Variants in ATP4B observed in about 807,000 individuals in gnomAD.
The protein encoded by ATP4B is ATPase H+/K+ transporting subunit beta.
Under a neutral mutation model 35.3 loss-of-function variants are expected in ATP4B, and 27 were observed. The ratio of observed to expected loss-of-function variants is 0.76; its 90% CI spans 0.56 to 1.05. The LOEUF (loss-of-function observed/expected upper bound fraction) is 1.05. ATP4B is among the 50% of genes least tolerant of loss of function. ATP4B has a pLI of 0.00. For missense variants in ATP4B, 375 were observed against 384.8 expected (o/e 0.97, Z 0.21); for synonymous variants, 162 against 156.0 (o/e 1.04, Z -0.29).
chr13:113,651,093 G>A (rs1050323726), intron 5 of ATP4B, among the ~76,000 whole-genome samples: 1 of 151,680 alleles, frequency 6.6e-6, no homozygotes, highest in Non-Finnish European at 1.5e-5. Flanking sequence ...AGGTTCCCTC[G>A]GACACCCTAG....
rs777893984 is a variant in ATP4B, at chr13:113,649,474, A to G, written c.776T>C (p.Val259Ala). ...KLLNIPRNAE[V>A]AIVCKVMAEH... ...CGCCATGACCTTGCACACGATGGCG[A>G]CCTCAGCGTTCCTGGGGATGTTGAG... The change falls in exon 7 of 7, where the codon GTC (valine) becomes GCC (alanine). Residue 259 changes from valine to alanine, a missense_variant. Coordinates refer to ENST00000335288, the MANE Select transcript of ATP4B (RefSeq NM_000705.4). The surrounding 1 kb of genome is among the most constrained non-coding windows in gnomAD (Gnocchi z 4.7). 1.9e-5 allele frequency: 29 copies of G among 1,559,494 alleles called. No homozygotes were observed. In the South Asian group the frequency reaches 3.4e-4, roughly 18 times the overall value.
chr13:113,653,437 G>A lies in ATP4B; in HGVS notation c.242-3C>T, dbSNP rs749487200. On this transcript the variant is annotated splice_region_variant and splice_polypyrimidine_tract_variant and intron_variant, in intron 2 of 6. Coordinates refer to ENST00000335288, the MANE Select transcript of ATP4B (RefSeq NM_000705.4). Reference sequence around the variant, plus strand: ...AACATCCGGCCTTAAGGTTACCCCTGGAGAGAGAGACCTTTGTGCTTAGCG... The same window carrying A: ...AACATCCGGCCTTAAGGTTACCCCTAGAGAGAGAGACCTTTGTGCTTAGCG... 6.2e-7 allele frequency: 1 copy of A among 1,612,000 alleles called. No individual in the cohort carries two copies.
rs1566688652 is a variant in ATP4B at position 113,653,241 on chromosome 13, C to CGCTTCACACCTCACCCACCCGCT, written c.355+79_355+80insAGCGGGTGGGTGAGGTGTGAAGC. ...GCTGCTTCACACCTCACCCACCCGCCGCTTCACACCTCACCCACCCGCCGC... is the reference window on the plus strand; with the variant it reads ...GCTGCTTCACACCTCACCCACCCGCCGCTTCACACCTCACCCACCCGCTGCTTCACACCTCACCCACCCGCCGC... On this transcript the variant is annotated intron_variant, in intron 3 of 6. Transcript: ENST00000335288. 7.4e-6 allele frequency: 10 copies of CGCTTCACACCTCACCCACCCGCT among 1,349,946 alleles called. No individual in the cohort carries two copies. In the African/African-American group the frequency reaches 1.4e-4, roughly 19 times the overall value. 83.6% of individuals were successfully genotyped at this position (1,349,946 alleles called of 1,614,324 possible). A position where few individuals can be genotyped will look rare whatever the true frequency, so the allele number is the denominator to read the frequency against.
At chr13:113,653,908 G>A (rs1383810910) in intron 2 of ATP4B, among the ~76,000 whole-genome samples, 5 of 152,220 alleles carry the variant, frequency 3.3e-5, no homozygotes, top group African/African-American at 7.2e-5. Context: ...GATGTGAACC[G>A]TCAAATGTGC....
chr13:113,651,763 C>T (rs747810806), intron 4 of ATP4B, 36 bp from the exon 5 acceptor site: 6 of 1,607,436 alleles, frequency 3.7e-6, no homozygotes, highest in African/African-American at 1.3e-5. Flanking sequence ...CCGCTCCCCA[C>T]CCCCACCGCC....
rs1297794352 is a variant in ATP4B, at chr13:113,651,821, C to T, written c.556-94G>A. Reference sequence around the variant, plus strand: ...CCATGGAGCTGAGATCTGGCCGGCCCCAGCCTGGGCTTTCTGACCAGGACT... The same window carrying T: ...CCATGGAGCTGAGATCTGGCCGGCCTCAGCCTGGGCTTTCTGACCAGGACT... On this transcript the variant is annotated intron_variant, in intron 4 of 6. Coordinates refer to ENST00000335288, the MANE Select transcript of ATP4B (RefSeq NM_000705.4). The T allele has an allele frequency of 2.8e-6, 4 of 1,452,432 alleles. 1 individual carries two copies. In the South Asian group the frequency reaches 5.3e-5, roughly 19 times the overall value. The allele number at this position is 1,452,432 out of a possible 1,614,324, so 90.0% of individuals were successfully genotyped here.
At chr13:113,651,977 G>A (rs1019050351) in intron 4 of ATP4B, among the ~76,000 whole-genome samples, 11 of 152,114 alleles carry the variant, frequency 7.2e-5, no homozygotes, top group African/African-American at 2.4e-4. Flanking sequence ...GGCTTCAGGA[G>A]GCGGCTGGCA....
chr13:113,650,503 T>G lies in ATP4B; in HGVS notation c.617A>C (p.Gln206Pro). The change falls in exon 6 of 7, where the codon CAG becomes CCG. Residue 206 changes from glutamine (Q) to proline (P), a missense_variant. Coordinates refer to ENST00000335288, the MANE Select transcript of ATP4B (RefSeq NM_000705.4). The surrounding 1 kb of genome is among the most constrained non-coding windows in gnomAD (Gnocchi z 5.0). ...CAGCGGCTGGCCGAGCTCGCGGGGCTGGTCCTGGGGAGGAGAGGCCACTGC... is the reference window on the plus strand; with the variant it reads ...CAGCGGCTGGCCGAGCTCGCGGGGCGGGTCCTGGGGAGGAGAGGCCACTGC... The part of the protein sequence containing the change: ...APRVDCAFLD[Q>P]PRELGQPLQV... The G allele has an allele frequency of 6.2e-7, 1 of 1,611,802 alleles. No individual in the cohort carries two copies. Among genetic ancestry groups the G allele is most frequent in the Non-Finnish European group, 8.5e-7 (1 of 1,178,762 alleles).
intron 1 of ATP4B, among the ~76,000 whole-genome samples, chr13:113,656,291 G>C (rs1444315473): frequency 6.6e-6 from 1 of 152,200 alleles, no homozygotes; most frequent in Non-Finnish European, 1.5e-5. Flanking sequence ...CGTGACGGCA[G>C]GGGTCTCTGT....
intron 1 of ATP4B, among the ~76,000 whole-genome samples, chr13:113,656,209 C>T (rs1326842153): frequency 2.0e-5 from 3 of 152,162 alleles, no homozygotes; most frequent in Non-Finnish European, 4.4e-5. Context: ...CAGGTCCTGC[C>T]TCAGTGTCCC....
Position 113,652,999 on chromosome 13 carries a change from G to A in ATP4B, c.429C>T (p.Arg143=), listed in dbSNP as rs143623545. The A allele has an allele frequency of 1.2e-4, 190 of 1,614,116 alleles. No individual in the cohort carries two copies. The East Asian group carries it at 2.0e-3, about 17-fold the overall frequency. ...SEQYFFQESF[R]APNHTKFSCK... ...AGGAGAACTTGGTGTGGTTGGGAGCGCGGAAACTCTCCTGGAAGAAGTACT... is the reference window on the plus strand; with the variant it reads ...AGGAGAACTTGGTGTGGTTGGGAGCACGGAAACTCTCCTGGAAGAAGTACT... Residue 143 remains arginine, a synonymous_variant, in exon 4 of 7, where the codon CGC becomes CGT. Transcript: ENST00000335288.
chr13:113,651,312 T>C (rs576347390), intron 5 of ATP4B, among the ~76,000 whole-genome samples: 1 of 152,352 alleles, frequency 6.6e-6, no homozygotes, highest in East Asian at 1.9e-4. Flanking sequence ...GTTAAACAAC[T>C]GTAGCTGCTG....
In ATP4B at chr13:113,658,025, G is replaced by A. The variant is rs370577482; in HGVS notation, c.112+8C>T. 439 of 1,591,174 alleles carry A rather than the reference G, an allele frequency of 2.8e-4. 2 individuals carry two copies. Among genetic ancestry groups the A allele is most frequent in the Non-Finnish European group, 2.7e-4 (314 of 1,171,024 alleles). On this transcript the variant is annotated splice_region_variant and intron_variant, in intron 1 of 6. Coordinates refer to ENST00000335288, the MANE Select transcript of ATP4B (RefSeq NM_000705.4). The stretch of plus-strand genomic sequence containing the variant: ...CATGCACCCAGCCGGCCCGCCCCCC[G>A]CACGTACCCCACCGGGACAGGGTGC...
chr13:113,649,624 T>G lies in ATP4B; in HGVS notation c.715-89A>C. The stretch of plus-strand genomic sequence containing the variant: ...AAGCAAGGAAGTGTCAACAGTCAGG[T>G]TGGTGCAGAGAAGCAGCTCTTTTGT... On this transcript the variant is annotated intron_variant, in intron 6 of 6. Transcript: ENST00000335288. The surrounding 1 kb of genome is among the most constrained non-coding windows in gnomAD (Gnocchi z 4.7). The G allele has an allele frequency of 7.1e-7, 1 of 1,402,580 alleles. No individual in the cohort carries two copies. The allele number at this position is 1,402,580 out of a possible 1,614,324, so 86.9% of individuals were successfully genotyped here. A position where few individuals can be genotyped will look rare whatever the true frequency, so the allele number is the denominator to read the frequency against.
At chr13:113,655,599 C>T (rs2049747495) in intron 1 of ATP4B, among the ~76,000 whole-genome samples, 1 of 152,238 alleles carries the variant, frequency 6.6e-6, no homozygotes, top group African/African-American at 2.4e-5. Flanking sequence ...TGGGCGGCTC[C>T]TGGACACAGG....
Position 113,658,064 on chromosome 13 carries a change from C to T in ATP4B, c.81G>A (p.Gly27=). 1 of 1,609,860 alleles carries T rather than the reference C, an allele frequency of 6.2e-7. No homozygotes were observed. The highest frequency in any genetic ancestry group is 8.5e-7 in the Non-Finnish European group (1 of 1,178,776). ...GGGACAGGGTGCGGCCCAGCATCTG[C>T]CCCGTGTCCGGGTTCCAGCAGTAAC... ...FQRYCWNPDT[G]QMLGRTLSRW... Residue 27 remains glycine (G), a synonymous_variant, in exon 1 of 7, where the codon GGG becomes GGA. Transcript: ENST00000335288.
Position 113,649,081 on chromosome 13 carries a change from T to G in ATP4B, c.*293A>C. On this transcript the variant is annotated 3_prime_UTR_variant, in exon 7 of 7. Transcript: ENST00000335288. The surrounding 1 kb of genome is among the most constrained non-coding windows in gnomAD (Gnocchi z 4.7). ...ATGTCTACATAGAAGACGAATCGTT[T>G]TTATGACCTGGTTAATTAGAGAGTT... The G allele has an allele frequency of 3.8e-6, 1 of 261,746 alleles. No homozygotes were observed. 16.2% of individuals were successfully genotyped at this position (261,746 alleles called of 1,614,324 possible).
intron 2 of ATP4B, 46 bp downstream of exon 2, chr13:113,654,768 A>G (rs1054803914): frequency 4.4e-6 from 7 of 1,598,014 alleles, no homozygotes; most frequent in Non-Finnish European, 6.0e-6. Context: ...AGGAGGCGGC[A>G]GCCTGGCCTG....
rs1000660976 is a variant in ATP4B at position 113,650,295 on chromosome 13, G to A, written c.714+111C>T. The A allele has an allele frequency of 2.9e-5, 31 of 1,064,202 alleles. No individual in the cohort carries two copies. The highest frequency in any genetic ancestry group is 4.0e-5 in the Non-Finnish European group (28 of 703,672). 65.9% of individuals were successfully genotyped at this position (1,064,202 alleles called of 1,614,324 possible). A position where few individuals can be genotyped will look rare whatever the true frequency, so the allele number is the denominator to read the frequency against. ...GAACGTTCCAGTCAGGACCGGCTAA[G>A]TCACACCTTTGTTTCATTTTTCTAC... On this transcript the variant is annotated intron_variant, in intron 6 of 6. Coordinates refer to ENST00000335288, the MANE Select transcript of ATP4B (RefSeq NM_000705.4). The surrounding 1 kb of genome is among the most constrained non-coding windows in gnomAD (Gnocchi z 5.0).
Sources: gnomAD v4.1 joint callset for allele counts (sites outside exome capture counted in the v4.1 genomes callset) on GRCh38, gnomAD v4.1.1 for gene constraint, Gnocchi (gnomAD v3.1) non-coding constraint, MANE v1.5 for transcripts, NCBI Gene and HGNC (gene_info 2026-07-23, HGNC 2026-07-21) for gene names.